The following DACH2 variants were observed in gnomAD, a reference collection of about 807,000 sequenced individuals.
DACH2 encodes the protein dachshund homolog 2.
DACH2 carries 17 observed loss-of-function variants against 35.8 expected under a neutral mutation model. That is an observed-to-expected ratio of 0.48 (90% CI 0.33 to 0.71). The LOEUF (loss-of-function observed/expected upper bound fraction) is 0.71. DACH2 is among the 30% of genes least tolerant of loss of function. The pLI is 0.02. For synonymous variants in DACH2, 195 were observed against 177.3 expected (o/e 1.10, Z -0.79); for missense variants, 469 against 472.7 (o/e 0.99, Z 0.07).
chrX:86,429,917 T>G (rs1602509827), intron 2 of DACH2, among the ~76,000 whole-genome samples: 1 of 112,248 alleles, frequency 8.9e-6, no homozygotes, highest in Admixed American at 9.5e-5. Context: ...TTTTAGAATT[T>G]TATAGAGATA....
At chrX:86,819,517 A>C (rs1395366547) in intron 11 of DACH2, among the ~76,000 whole-genome samples, 1 of 112,309 alleles carries the variant, frequency 8.9e-6, no homozygotes, top group Non-Finnish European at 1.9e-5. Flanking sequence ...AATTAGCACA[A>C]CTACAAGTGT....
At chrX:86,286,446 C>T (rs1403477561) in intron 1 of DACH2, among the ~76,000 whole-genome samples, 2 of 110,831 alleles carry the variant, frequency 1.8e-5, no homozygotes, top group Non-Finnish European at 3.8e-5. Context: ...AGTCTATTTA[C>T]ATTCATTGTT....
chrX:86,314,911 A>C (rs1315358863), intron 1 of DACH2, among the ~76,000 whole-genome samples: 2 of 112,383 alleles, frequency 1.8e-5, no homozygotes, highest in African/African-American at 6.5e-5. Flanking sequence ...CACAATATAA[A>C]ACAGCGAGGT....
At chrX:86,751,854 T>A (rs905889035) in intron 7 of DACH2, among the ~76,000 whole-genome samples, 1 of 111,802 alleles carries the variant, frequency 8.9e-6, no homozygotes, top group African/African-American at 3.2e-5. Context: ...CCATCAACAG[T>A]GGATTGGATA....
At chrX:86,161,984 G>A (rs2030776156) in intron 1 of DACH2, among the ~76,000 whole-genome samples, 1 of 112,068 alleles carries the variant, frequency 8.9e-6, no homozygotes, top group South Asian at 3.7e-4. Flanking sequence ...CTACTCCATA[G>A]GCAGAGCAGC....
At chrX:86,773,100 C>A (rs2042001750) in intron 7 of DACH2, among the ~76,000 whole-genome samples, 1 of 111,537 alleles carries the variant, frequency 9.0e-6, no homozygotes, top group Non-Finnish European at 1.9e-5. Flanking sequence ...ATTTTCCTAA[C>A]CTAAGGAACC....
chrX:86,293,641 T>C (rs2034364618), intron 1 of DACH2, among the ~76,000 whole-genome samples: 1 of 110,683 alleles, frequency 9.0e-6, no homozygotes, highest in African/African-American at 3.3e-5. Flanking sequence ...TCTGTCAGCA[T>C]TTGCTTGTCT....
intron 1 of DACH2, among the ~76,000 whole-genome samples, chrX:86,289,970 A>C: frequency 9.7e-6 from 1 of 103,325 alleles, no homozygotes; most frequent in Admixed American, 1.1e-4. Context: ...TGGTATTTCT[A>C]GTTCTAGATC....
At chrX:86,477,267 A>G (rs2037857719) in intron 2 of DACH2, among the ~76,000 whole-genome samples, 2 of 104,073 alleles carry the variant, frequency 1.9e-5, no homozygotes, top group African/African-American at 3.5e-5. Context: ...TTATTGTATT[A>G]GGGTTTCTTT....
Position 86,535,493 on chromosome X carries a change from A to G in DACH2, c.640+21102A>G, listed in dbSNP as rs1435653010. On this transcript the variant is annotated intron_variant, in intron 3 of 11. Transcript: ENST00000373125. ...CAGGGGTCAGGATGTGCCTCATTATACTTTCTTCCCTTTGCAGTTTAGACA... is the reference window on the plus strand; with the variant it reads ...CAGGGGTCAGGATGTGCCTCATTATGCTTTCTTCCCTTTGCAGTTTAGACA... 2.7e-5 allele frequency among the ~76,000 whole-genome samples: 3 copies of G among 111,522 alleles called. No homozygotes were observed. The Admixed American group carries it at 2.9e-4, about 11-fold the overall frequency.
chrX:86,401,122 C>G (rs769764493), intron 2 of DACH2, among the ~76,000 whole-genome samples: 1 of 112,071 alleles, frequency 8.9e-6, no homozygotes, highest in South Asian at 3.7e-4. Flanking sequence ...GCAGTTTGAT[C>G]TCAGACTGCT....
intron 11 of DACH2, among the ~76,000 whole-genome samples, chrX:86,824,127 G>A (rs1280241419): frequency 9.0e-6 from 1 of 111,050 alleles, no homozygotes; most frequent in East Asian, 2.8e-4. Flanking sequence ...GTAAGCCTGA[G>A]GGTACTACAG....
At chrX:86,149,661 GTGT>G (rs769576146) in intron 1 of DACH2, among the ~76,000 whole-genome samples, 36 of 112,269 alleles carry the variant, frequency 3.2e-4, no homozygotes, top group South Asian at 1.5e-3. Flanking sequence ...GGGGTGTGTG[GTGT>G]TGTTGTTTGT....
At chrX:86,170,524 A>G (rs1665122574) in intron 1 of DACH2, among the ~76,000 whole-genome samples, 1 of 111,808 alleles carries the variant, frequency 8.9e-6, no homozygotes, top group African/African-American at 3.2e-5. Context: ...CTGGTGTTCT[A>G]TTGTATTGTG....
At chrX:86,278,906 C>G (rs754477697) in intron 1 of DACH2, among the ~76,000 whole-genome samples, 1 of 111,949 alleles carries the variant, frequency 8.9e-6, no homozygotes, top group South Asian at 3.8e-4. Flanking sequence ...TTTCCCCTCA[C>G]AGTGTAAACA....
intron 1 of DACH2, among the ~76,000 whole-genome samples, chrX:86,156,811 G>A (rs753029827): frequency 9.0e-6 from 1 of 111,284 alleles, no homozygotes; most frequent in Non-Finnish European, 1.9e-5. Flanking sequence ...AAATGAGTTG[G>A]TAAAAGGAGG....
chrX:86,626,788 C>T (rs549712571), intron 3 of DACH2, among the ~76,000 whole-genome samples: 2 of 112,776 alleles, frequency 1.8e-5, no homozygotes, highest in Admixed American at 9.3e-5. Flanking sequence ...AGCTGAGATG[C>T]AGGGCACCAA....
chrX:86,571,322 G>A (rs1050408790), intron 3 of DACH2, among the ~76,000 whole-genome samples: 2 of 110,345 alleles, frequency 1.8e-5, no homozygotes, highest in East Asian at 2.9e-4. Flanking sequence ...ATACTTTTAA[G>A]TTTTAGGGTA....
intron 1 of DACH2, among the ~76,000 whole-genome samples, chrX:86,264,719 C>T (rs61169553): frequency 0.013 from 1,399 of 111,278 alleles, 19 homozygotes; most frequent in African/African-American, 0.042. Flanking sequence ...AAATCTTTCC[C>T]AATACTTCTA....
Sources: gnomAD v4.1 joint callset for allele counts (sites outside exome capture counted in the v4.1 genomes callset) on GRCh38, gnomAD v4.1.1 for gene constraint, MANE v1.5 for transcripts, NCBI Gene and HGNC (gene_info 2026-07-23, HGNC 2026-07-21) for gene names.